PUDP: variants seen among roughly 807,000 people sequenced by gnomAD.
PUDP encodes the protein pseudouridine-5'-phosphatase.
PUDP carries 8 observed loss-of-function variants against 9.4 expected under a neutral mutation model. The observed-to-expected ratio is 0.85, with a 90% CI of 0.50 to 1.53. PUDP has a LOEUF of 1.53. PUDP is among the 40% of genes most tolerant of loss of function. The pLI is 0.00. For synonymous variants in PUDP, 99 were observed against 80.7 expected (o/e 1.23, Z -1.22); for missense variants, 188 against 189.7 (o/e 0.99, Z 0.05).
chrX:6,708,414 C>T (rs1487668038), intron 1 of PUDP, among the ~76,000 whole-genome samples: 2 of 111,562 alleles, frequency 1.8e-5, no homozygotes, highest in Non-Finnish European at 3.8e-5. Context: ...TAAACCATGG[C>T]CCATGGCTGT....
intron 1 of PUDP, among the ~76,000 whole-genome samples, chrX:6,708,340 G>T (rs142026338): frequency 1.8e-5 from 2 of 111,581 alleles, no homozygotes; most frequent in Non-Finnish European, 1.9e-5. Flanking sequence ...CTCTGCCAGG[G>T]TAGAAAAAGC....
chrX:6,711,871 C>T (rs895123760), intron 1 of PUDP, among the ~76,000 whole-genome samples: 9 of 112,438 alleles, frequency 8.0e-5, no homozygotes, highest in African/African-American at 2.9e-4. Flanking sequence ...GTCCAGCTCA[C>T]AGGGCCTGGG....
At chrX:6,885,593 T>C (rs1927411067) in intron 3 of PUDP, among the ~76,000 whole-genome samples, 1 of 112,174 alleles carries the variant, frequency 8.9e-6, no homozygotes, top group Admixed American at 9.4e-5. Flanking sequence ...CCTGTTTTTG[T>C]TCATCAAGTT....
intron 1 of PUDP, among the ~76,000 whole-genome samples, chrX:6,713,253 T>A (rs1924555335): frequency 8.9e-6 from 1 of 111,963 alleles, no homozygotes; most frequent in Admixed American, 9.5e-5. Flanking sequence ...AAGCACAGTG[T>A]CTAGAAACAA....
intron 3 of PUDP, among the ~76,000 whole-genome samples, chrX:6,862,236 C>T (rs766106546): frequency 8.9e-6 from 1 of 111,820 alleles, no homozygotes; most frequent in Non-Finnish European, 1.9e-5. Context: ...GGTCTATGGC[C>T]CCAAGCTTCC....
At chrX:6,762,820 C>T (rs758539248) in intron 3 of PUDP, among the ~76,000 whole-genome samples, 1 of 112,145 alleles carries the variant, frequency 8.9e-6, no homozygotes, top group Non-Finnish European at 1.9e-5. Context: ...GAGAGAAAAA[C>T]ATTTTAATGC....
intron 1 of PUDP, among the ~76,000 whole-genome samples, chrX:7,008,760 C>A (rs748690578): frequency 8.9e-6 from 1 of 111,957 alleles, no homozygotes; most frequent in African/African-American, 3.3e-5. Flanking sequence ...AAAAGTCCTG[C>A]GTTTGAAGGT....
rs1489943843 is a variant in PUDP, at chrX:6,842,634, A to C, written c.*247+134499T>G. On this transcript the variant is annotated intron_variant and NMD_transcript_variant, in intron 3 of 3. Transcript: ENST00000655425. ...CTAACGATGGACTTAGGTAGGAAAA[A>C]GTAAATTCAAAACTTGTATTTGAAC... Among the ~76,000 whole-genome samples, 3 of 112,774 alleles carry C rather than the reference A, an allele frequency of 2.7e-5. No individual in the cohort carries two copies. In the Admixed American group the frequency reaches 2.8e-4, roughly 11 times the overall value.
chrX:6,860,233 C>T (rs1446126453), intron 3 of PUDP, among the ~76,000 whole-genome samples: 1 of 111,121 alleles, frequency 9.0e-6, no homozygotes, highest in African/African-American at 3.3e-5. Flanking sequence ...CCTCCCTCAT[C>T]GGCCTCCCAA....
At chrX:7,127,099 T>C (rs1482468041) in intron 1 of PUDP, among the ~76,000 whole-genome samples, 2 of 111,865 alleles carry the variant, frequency 1.8e-5, no homozygotes, top group South Asian at 3.8e-4. Flanking sequence ...GGGAATTATA[T>C]TGACAAAAGG....
chrX:7,085,110 A>T (rs1931224867), intron 2 of PUDP: 1 of 112,261 alleles, frequency 8.9e-6, no homozygotes, highest in Admixed American at 9.4e-5. Context: ...TGACAGGCAC[A>T]TTTATCCAAG....
chrX:6,887,582 G>C (rs192522026), intron 3 of PUDP, among the ~76,000 whole-genome samples: 5 of 111,053 alleles, frequency 4.5e-5, no homozygotes, highest in African/African-American at 1.6e-4. Context: ...AGTCAAGTTA[G>C]AGTACCCTGG....
At chrX:7,047,808 A>T (rs1930003899), downstream of PUDP, among the ~76,000 whole-genome samples, 1 of 112,736 alleles carries the variant, frequency 8.9e-6, no homozygotes, top group Admixed American at 9.4e-5. Flanking sequence ...CAGAGGCATT[A>T]TTACAGATAG....
intron 2 of PUDP, among the ~76,000 whole-genome samples, chrX:7,099,239 A>G (rs765570151): frequency 1.8e-5 from 2 of 112,997 alleles, no homozygotes; most frequent in African/African-American, 6.4e-5. Flanking sequence ...TCAAGATACA[A>G]TGGAGGTAAC....
Position 7,011,192 on chromosome X carries a change from C to T in PUDP, c.205-32849G>A, listed in dbSNP as rs182506471. On this transcript the variant is annotated intron_variant and NMD_transcript_variant, in intron 1 of 3. Coordinates refer to the PUDP transcript ENST00000655425. ...CAAGGCCAATTGCAGACAATGGGGACGTCCTCATGATAGTGAGATGAACTG... is the reference window on the plus strand; with the variant it reads ...CAAGGCCAATTGCAGACAATGGGGATGTCCTCATGATAGTGAGATGAACTG... 2.7e-4 allele frequency among the ~76,000 whole-genome samples: 30 copies of T among 112,006 alleles called. 1 individual carries two copies. The highest frequency in any genetic ancestry group is 9.4e-4 in the African/African-American group (29 of 30,735).
chrX:6,820,375 C>T (rs111422311), intron 3 of PUDP, among the ~76,000 whole-genome samples: 184 of 110,832 alleles, frequency 1.7e-3, no homozygotes, highest in African/African-American at 5.7e-3. Flanking sequence ...CATTTCGAAA[C>T]GAATCATGCC....
intron 3 of PUDP, among the ~76,000 whole-genome samples, chrX:6,951,245 ATATCTATC>A (rs58068829): frequency 0.023 from 2,453 of 105,506 alleles, 59 homozygotes; most frequent in African/African-American, 0.072. Context: ...TCCATCCATC[ATATCTATC>A]TATCTATCTA....
chrX:6,737,499 TG>T (rs1477941601), intron 3 of PUDP, among the ~76,000 whole-genome samples: 1 of 107,772 alleles, frequency 9.3e-6, no homozygotes. Flanking sequence ...GTAATAACTC[TG>T]GGAGAGCTTT....
chrX:6,977,815 C>T, intron 2 of PUDP, among the ~76,000 whole-genome samples: 1 of 112,818 alleles, frequency 8.9e-6, no homozygotes, highest in Non-Finnish European at 1.9e-5. Flanking sequence ...TCAGCACTTG[C>T]ATAGACAATG....
Sources: gnomAD v4.1 joint callset for allele counts (sites outside exome capture counted in the v4.1 genomes callset) on GRCh38, gnomAD v4.1.1 for gene constraint, MANE v1.5 for transcripts, NCBI Gene and HGNC (gene_info 2026-07-23, HGNC 2026-07-21) for gene names.